NEK9: variants seen among roughly 807,000 people sequenced by gnomAD.
NEK9 encodes the protein NIMA related kinase 9, also known as serine/threonine-protein kinase Nek9.
NEK9 carries 75 observed loss-of-function variants against 123.4 expected under a neutral mutation model. That is an observed-to-expected ratio of 0.61 (90% CI 0.50 to 0.74). NEK9 has a LOEUF of 0.74. NEK9 is among the 30% of genes least tolerant of loss of function. NEK9 has a pLI of 0.00. For synonymous variants in NEK9, 438 were observed against 458.7 expected (o/e 0.95, Z 0.58); for missense variants, 952 against 1,214.4 (o/e 0.78, Z 3.21).
intron 6 of NEK9, 151 bp downstream of exon 6, chr14:75,117,044 T>C: frequency 1.1e-6 from 1 of 940,006 alleles, no homozygotes; most frequent in Non-Finnish European, 1.5e-6. Flanking sequence ...GCTGGGTCTA[T>C]AGCATTTTAG....
At chr14:75,114,741 A>G (rs1245761581) in intron 6 of NEK9, among the ~76,000 whole-genome samples, 1 of 152,208 alleles carries the variant, frequency 6.6e-6, no homozygotes, top group Non-Finnish European at 1.5e-5. Flanking sequence ...AGATGATAAT[A>G]CTAACAATAT....
rs547122874 is a variant in NEK9, at chr14:75,104,004, G to GA, written c.1576-8dup. 655 of 1,593,424 alleles carry GA rather than the reference G, an allele frequency of 4.1e-4. 2 individuals carry two copies. The South Asian group carries it at 4.8e-3, about 12-fold the overall frequency. On this transcript the variant is annotated splice_region_variant and splice_polypyrimidine_tract_variant and intron_variant, in intron 13 of 21. Transcript: ENST00000238616. ...AGGCCTTGGGAACATCCACCTGCAA[G>GA]AAAAAAATCAGAAAAAGAAATCCCA...
intron 6 of NEK9, among the ~76,000 whole-genome samples, chr14:75,115,936 A>G (rs1186932459): frequency 6.6e-6 from 1 of 152,194 alleles, no homozygotes; most frequent in African/African-American, 2.4e-5. Context: ...ATCTTTATTT[A>G]TTTTTTAACA....
rs749392231 is a variant in NEK9 at position 75,114,273 on chromosome 14, C to T, written c.803G>A (p.Arg268Gln). ...NLCVKIVQGI[R>Q]AMEVDSSQYS... The stretch of plus-strand genomic sequence containing the variant: ...CTGGCTAGAGTCAACTTCCATGGCC[C>T]GAATTCCTTGCACGATCTTCACACA... Residue 268 changes from arginine to glutamine, a missense_variant, in exon 7 of 22, where the codon CGG becomes CAG. Coordinates refer to ENST00000238616, the MANE Select transcript of NEK9 (RefSeq NM_033116.6). The T allele has an allele frequency of 9.9e-6, 16 of 1,613,910 alleles. No homozygotes were observed. Among genetic ancestry groups the T allele is most frequent in the African/African-American group, 1.3e-5 (1 of 74,878 alleles).
At chr14:75,122,916 A>G (rs1895389022) in intron 2 of NEK9, among the ~76,000 whole-genome samples, 1 of 147,882 alleles carries the variant, frequency 6.8e-6, no homozygotes, top group African/African-American at 2.5e-5. Flanking sequence ...CTCCCTCCTC[A>G]GCCTCCCAAG....
At chr14:75,119,376 TA>T (rs1895247988) in intron 4 of NEK9, among the ~76,000 whole-genome samples, 1 of 152,176 alleles carries the variant, frequency 6.6e-6, no homozygotes, top group Non-Finnish European at 1.5e-5. Context: ...TAGGATATCC[TA>T]AACATCCCAC....
intron 1 of NEK9, among the ~76,000 whole-genome samples, chr14:75,124,842 C>G (rs934094847): frequency 1.1e-4 from 16 of 148,350 alleles, no homozygotes; most frequent in African/African-American, 4.0e-4. Context: ...GCAGTCATAG[C>G]TCATTTCAGC....
rs1314264395 is a variant in NEK9, at chr14:75,105,947, T to C, written c.1575+3A>G. 1 of 1,612,044 alleles carries C rather than the reference T, an allele frequency of 6.2e-7. No individual in the cohort carries two copies. The highest frequency in any genetic ancestry group is 8.5e-7 in the Non-Finnish European group (1 of 1,178,072). On this transcript the variant is annotated splice_donor_region_variant and intron_variant, in intron 13 of 21. Transcript: ENST00000238616. ...TTTAGAAATAAGTTGCTTCTGATTT[T>C]ACCTTTTGTGGTGTATAATAATCCT...
At chr14:75,086,495 T>G (rs1162696798) in intron 21 of NEK9, 1 of 156,696 alleles carries the variant, frequency 6.4e-6, no homozygotes, top group East Asian at 1.8e-4. Context: ...AATTAAGTAT[T>G]GTAAAAGAAA....
At chr14:75,089,421 G>A (rs1302947357) in intron 19 of NEK9, among the ~76,000 whole-genome samples, 2 of 152,102 alleles carry the variant, frequency 1.3e-5, no homozygotes, top group African/African-American at 4.8e-5. Context: ...TAGAGACAGA[G>A]TTTCACCATG....
intron 8 of NEK9, among the ~76,000 whole-genome samples, chr14:75,112,403 AT>A (rs1894986581): frequency 1.3e-5 from 2 of 152,238 alleles, no homozygotes; most frequent in South Asian, 4.1e-4. Context: ...CTCTAAAGAT[AT>A]CTGACAGAAT....
rs781646268 is a variant in NEK9 at position 75,118,930 on chromosome 14, A to G, written c.530T>C (p.Ile177Thr). Residue 177 changes from isoleucine (I) to threonine (T), a missense_variant, in exon 5 of 22, where the codon ATA becomes ACA. Around this residue, in one of 4 missense-constraint regions of NEK9, gnomAD observed 106 missense variants for 153.0 expected, o/e 0.69. Transcript: ENST00000238616. The stretch of plus-strand genomic sequence containing the variant: ...GGTCAGAAAAATATTTAATGTCTTT[A>G]TATCTCTGAAAAAAAAAGATGCTGC... ...IHKAGILHRD[I>T]KTLNIFLTKA... The G allele has an allele frequency of 8.7e-6, 13 of 1,487,084 alleles. No individual in the cohort carries two copies. The highest frequency in any genetic ancestry group is 1.2e-5 in the Non-Finnish European group (13 of 1,067,766). The allele number at this position is 1,487,084 out of a possible 1,614,324, so 92.1% of individuals were successfully genotyped here.
intron 18 of NEK9, among the ~76,000 whole-genome samples, chr14:75,094,989 A>G (rs1305992073): frequency 2.6e-5 from 4 of 152,134 alleles, no homozygotes; most frequent in African/African-American, 7.2e-5. Context: ...AGTTTAGCCG[A>G]GTTTTATTCT....
At chr14:75,110,505 C>A in intron 8 of NEK9, 134 bp from the exon 9 acceptor site, 2 of 646,418 alleles carry the variant, frequency 3.1e-6, no homozygotes, top group East Asian at 2.7e-5. Context: ...ATACTTTTAG[C>A]AAAGTACCTC....
In NEK9 at chr14:75,107,346, TCA is replaced by T; in HGVS notation, c.1322_1323del (p.Val441AspfsTer2). 4 of 1,612,382 alleles carry T rather than the reference TCA, an allele frequency of 2.5e-6. No homozygotes were observed. The highest frequency in any genetic ancestry group is 3.4e-6 in the Non-Finnish European group (4 of 1,179,420). On this transcript the variant is annotated frameshift_variant, in exon 11 of 22. Transcript: ENST00000238616. LOFTEE classifies it high-confidence loss of function. Reference sequence around the variant, plus strand: ...ACACTTTCTGCTGATGGCTTACCAGTCACACAGACAGTGAAATCATCACCACA... The same window carrying T: ...ACACTTTCTGCTGATGGCTTACCAGTCACAGACAGTGAAATCATCACCACA... The part of the protein sequence containing the change: ...VSCGDDFTVC[V>X]TDEGQLYAFG...
At position 75,106,007 on chromosome 14, in the gene NEK9, C is replaced by A; in HGVS notation, c.1529-11G>T. The A allele has an allele frequency of 6.2e-7, 1 of 1,610,724 alleles. No individual in the cohort carries two copies. The highest frequency in any genetic ancestry group is 8.5e-7 in the Non-Finnish European group (1 of 1,176,936). On this transcript the variant is annotated splice_polypyrimidine_tract_variant and intron_variant, in intron 12 of 21. Transcript: ENST00000238616. ...CCAAACCCAGTCGTCCTGAAACACA[C>A]ATAAGAATGAAAATCATTATAATGA... is the stretch of plus-strand genomic sequence containing the variant.
At chr14:75,114,143 C>A in intron 7 of NEK9, 60 bp downstream of exon 7, 1 of 1,242,106 alleles carries the variant, frequency 8.1e-7, no homozygotes, top group South Asian at 1.2e-5. Context: ...TGCCATACAC[C>A]AAACACTGAG....
intron 10 of NEK9, among the ~76,000 whole-genome samples, chr14:75,109,326 A>G (rs1325354667): frequency 6.6e-6 from 1 of 152,182 alleles, no homozygotes; most frequent in Non-Finnish European, 1.5e-5. Context: ...TTACAAAGCT[A>G]TTTCACAGGT....
At chr14:75,106,087 G>A in intron 12 of NEK9, 91 bp from the exon 13 acceptor site, 2 of 1,137,100 alleles carry the variant, frequency 1.8e-6, no homozygotes, top group Non-Finnish European at 1.3e-6. Context: ...CAGGTGCGGT[G>A]GCTCACACCT....
Sources: gnomAD v4.1 joint callset for allele counts (sites outside exome capture counted in the v4.1 genomes callset) on GRCh38, gnomAD v4.1.1 for gene constraint, gnomAD v4.1.1 regional missense constraint, MANE v1.5 for transcripts, NCBI Gene and HGNC (gene_info 2026-07-23, HGNC 2026-07-21) for gene names.